Variants in NARS1 observed in about 807,000 individuals in gnomAD.
The protein encoded by NARS1 is asparaginyl-tRNA synthetase 1.
A neutral mutation model predicts 79.2 loss-of-function variants in NARS1; 65 were observed. That is an observed-to-expected ratio of 0.82 (90% CI 0.67 to 1.01). NARS1 has a LOEUF of 1.01. Ranked by LOEUF, NARS1 falls within the 50% of genes least tolerant of loss-of-function variation. NARS1 has a pLI of 0.00. For missense variants in NARS1, 649 were observed against 673.8 expected (o/e 0.96, Z 0.41); for synonymous variants, 229 against 238.8 (o/e 0.96, Z 0.38).
At chr18:57,613,442 G>A (rs985764873) in intron 5 of NARS1, among the ~76,000 whole-genome samples, 160 bp downstream of exon 5, 1 of 152,098 alleles carries the variant, frequency 6.6e-6, no homozygotes, top group African/African-American at 2.4e-5. Context: ...GCAGTGAGCC[G>A]AGATAGCACC....
In NARS1 at chr18:57,615,891, T is replaced by C. The variant is rs2122452114; in HGVS notation, c.178A>G (p.Lys60Glu). The C allele has an allele frequency of 1.2e-6, 2 of 1,613,320 alleles. No homozygotes were observed. Among genetic ancestry groups the C allele is most frequent in the Non-Finnish European group, 1.7e-6 (2 of 1,179,606 alleles). ...TTTTTAATGTTCTTCAACTGTGATT[T>C]AGAAATAACATTCCACCTCTCATTT... ...KENERWNVISKSQLKNIKKMW... is the reference protein window; with the variant it reads ...KENERWNVISESQLKNIKKMW... The change falls in exon 3 of 14, where the codon AAA becomes GAA. Residue 60 changes from lysine to glutamate, a missense_variant. Transcript: ENST00000256854.
rs571404920 is a variant in NARS1 at position 57,601,215 on chromosome 18, T to G, written c.*437A>C. ...CCAATTTCTTCCCCCAAGATTTTTGTTTTAATTCATTGATGCAATAAAATA... is the reference window on the plus strand; with the variant it reads ...CCAATTTCTTCCCCCAAGATTTTTGGTTTAATTCATTGATGCAATAAAATA... On this transcript the variant is annotated 3_prime_UTR_variant, in exon 14 of 14. Coordinates refer to ENST00000256854, the MANE Select transcript of NARS1 (RefSeq NM_004539.4). 6.5e-6 allele frequency: 1 copy of G among 154,188 alleles called. No individual in the cohort carries two copies. Among genetic ancestry groups the G allele is most frequent in the East Asian group, 1.9e-4 (1 of 5,314 alleles). The allele number at this position is 154,188 out of a possible 1,614,324, so 9.6% of individuals were successfully genotyped here. A position where few individuals can be genotyped will look rare whatever the true frequency, so the allele number is the denominator to read the frequency against.
intron 6 of NARS1, among the ~76,000 whole-genome samples, chr18:57,610,844 C>T (rs1268415003): frequency 6.6e-6 from 1 of 151,966 alleles, no homozygotes; most frequent in East Asian, 1.9e-4. Flanking sequence ...TCAGAATCCT[C>T]GTTCAAATCA....
Position 57,605,869 on chromosome 18 carries a change from A to T in NARS1, c.1239T>A (p.Tyr413Ter). 1 of 1,603,004 alleles carries T rather than the reference A, an allele frequency of 6.2e-7. No individual in the cohort carries two copies. Among genetic ancestry groups the T allele is most frequent in the Admixed American group, 1.7e-5 (1 of 59,658 alleles). The change falls in exon 11 of 14, where the codon TAT becomes TAA. Residue 413 changes from tyrosine to a stop codon, truncating the protein, a stop_gained. Coordinates refer to ENST00000256854, the MANE Select transcript of NARS1 (RefSeq NM_004539.4). LOFTEE classifies it high-confidence loss of function. The stretch of plus-strand genomic sequence containing the variant: ...AAGGGATACATACTTCTCCAAATTC[A>T]TAGAAAGTTCCATCTTCTTTCTTTA... ...HDVKKEDGTFYEFGEDIPEAP... is the reference protein window; with the variant it reads ...HDVKKEDGTF
intron 11 of NARS1, among the ~76,000 whole-genome samples, chr18:57,604,798 A>C (rs539128098): frequency 5.3e-4 from 81 of 152,232 alleles, no homozygotes; most frequent in African/African-American, 1.9e-3. Context: ...CTGATGTAGG[A>C]GGAACACTTG....
At chr18:57,606,300 C>T (rs956646733) in intron 10 of NARS1, among the ~76,000 whole-genome samples, 6 of 147,760 alleles carry the variant, frequency 4.1e-5, no homozygotes, top group Non-Finnish European at 7.4e-5. Context: ...GAGCAGAGAT[C>T]GCGCCACTGT....
intron 2 of NARS1, among the ~76,000 whole-genome samples, chr18:57,618,365 C>T (rs1226813329): frequency 6.6e-6 from 1 of 151,732 alleles, no homozygotes; most frequent in East Asian, 1.9e-4. Flanking sequence ...ACATGTAGGT[C>T]GTTCGGAATT....
At chr18:57,620,708 C>A in intron 1 of NARS1, 57 bp from the exon 2 acceptor site, 1 of 991,628 alleles carries the variant, frequency 1.0e-6, no homozygotes, top group Non-Finnish European at 1.6e-6. Context: ...AGTCACCTTA[C>A]TACTTTATTC....
At chr18:57,614,650 A>G (rs1357616717) in intron 4 of NARS1, among the ~76,000 whole-genome samples, 1 of 152,258 alleles carries the variant, frequency 6.6e-6, no homozygotes, top group Non-Finnish European at 1.5e-5. Flanking sequence ...TATTTAAATA[A>G]AACATGAAAA....
chr18:57,613,208 A>G (rs925003048), intron 5 of NARS1, among the ~76,000 whole-genome samples: 1 of 151,490 alleles, frequency 6.6e-6, no homozygotes. Flanking sequence ...AAAAAAAAAA[A>G]GAGGGCCGGG....
chr18:57,620,419 C>G (rs141963240), intron 2 of NARS1, 150 bp downstream of exon 2: 2 of 545,930 alleles, frequency 3.7e-6, no homozygotes, highest in Non-Finnish European at 6.6e-6. Context: ...ATCTTAAAGT[C>G]ACATATCTGT....
intron 4 of NARS1, 86 bp downstream of exon 4, chr18:57,615,555 C>CA (rs1907986723): frequency 4.6e-6 from 4 of 862,598 alleles, no homozygotes; most frequent in Non-Finnish European, 7.4e-6. Flanking sequence ...TGTAAAGGAA[C>CA]AAACCATGTG....
intron 11 of NARS1, among the ~76,000 whole-genome samples, chr18:57,604,432 A>C (rs1018175308): frequency 6.6e-6 from 1 of 152,162 alleles, no homozygotes; most frequent in African/African-American, 2.4e-5. Context: ...TCACAGAAAC[A>C]AGAGTGCTTT....
Position 57,601,785 on chromosome 18 carries a change from T to G in NARS1, c.1516-2A>C. ...ATGGGGACATGTACCGTATTTTCTC[T>G]GTTTAAAAAAAGAAAGAAAGAAAGA... On this transcript the variant is annotated splice_acceptor_variant, in intron 13 of 13. Transcript: ENST00000256854. LOFTEE classifies it high-confidence loss of function. 5 of 1,612,408 alleles carry G rather than the reference T, an allele frequency of 3.1e-6. No individual in the cohort carries two copies. The highest frequency in any genetic ancestry group is 4.2e-6 in the Non-Finnish European group (5 of 1,178,988).
intron 2 of NARS1, 147 bp from the exon 3 acceptor site, chr18:57,616,122 A>T (rs975573724): frequency 5.5e-5 from 40 of 723,886 alleles, no homozygotes; most frequent in Admixed American, 1.4e-4. Flanking sequence ...TGACTGGTTG[A>T]ACATTTAAGA....
In NARS1 at chr18:57,606,674, T is replaced by C; in HGVS notation, c.1079A>G (p.Asp360Gly). 1 of 1,614,032 alleles carries C rather than the reference T, an allele frequency of 6.2e-7. No individual in the cohort carries two copies. Among genetic ancestry groups the C allele is most frequent in the South Asian group, 1.1e-5 (1 of 91,082 alleles). Residue 360 changes from aspartate (D) to glycine (G), a missense_variant, in exon 10 of 14, where the codon GAT becomes GGT. Coordinates refer to ENST00000256854, the MANE Select transcript of NARS1 (RefSeq NM_004539.4). ...TGACTTCAATATTCGATCTACCACA[T>C]CACAAACCAAGTCCTCCAACCGGTT... ...LLNRLEDLVCDVVDRILKSPA... is the reference protein window; with the variant it reads ...LLNRLEDLVCGVVDRILKSPA...
At position 57,611,654 on chromosome 18, in the gene NARS1, C is replaced by T; in HGVS notation, c.475G>A (p.Val159Ile). Residue 159 changes from valine (V) to isoleucine (I), a missense_variant, in exon 6 of 14, where the codon GTC becomes ATC. Val to Ile is a conservative substitution (Grantham distance 29). Transcript: ENST00000256854. The part of the protein sequence containing the change: ...LRDGTGYLQC[V>I]LADELCQCYN... The stretch of plus-strand genomic sequence containing the variant: ...ATATTTACCAACTCATCCGCCAAGA[C>T]ACACTGAAGATAACCTGTACCATCT... 1 of 1,595,830 alleles carries T rather than the reference C, an allele frequency of 6.3e-7. No homozygotes were observed. The highest frequency in any genetic ancestry group is 8.5e-7 in the Non-Finnish European group (1 of 1,172,238).
At chr18:57,620,673 A>G (rs756565974) in intron 1 of NARS1, 22 bp from the exon 2 acceptor site, 40 of 1,533,452 alleles carry the variant, frequency 2.6e-5, no homozygotes, top group Non-Finnish European at 2.8e-5. Flanking sequence ...AATGAGGGTA[A>G]GTTATGGTCT....
intron 6 of NARS1, among the ~76,000 whole-genome samples, chr18:57,610,067 C>T (rs1437643454): frequency 6.6e-6 from 1 of 152,086 alleles, no homozygotes; most frequent in East Asian, 1.9e-4. Context: ...CAAAACCATA[C>T]AGAGCCCATC....
Sources: gnomAD v4.1 joint callset for allele counts (sites outside exome capture counted in the v4.1 genomes callset) on GRCh38, gnomAD v4.1.1 for gene constraint, MANE v1.5 for transcripts, NCBI Gene and HGNC (gene_info 2026-07-23, HGNC 2026-07-21) for gene names.